The following CUBN variants were observed in gnomAD, a reference collection of about 807,000 sequenced individuals.
CUBN encodes the protein cubilin, also known as 460 kDa receptor.
In CUBN, 282 loss-of-function variants were observed where a neutral mutation model predicts 405.3. The observed-to-expected ratio is 0.70, with a 90% CI of 0.63 to 0.77. The LOEUF is 0.77. Among genes scored for constraint, CUBN ranks in the 30% least tolerant of loss-of-function variants. CUBN has a pLI of 0.00. For missense variants in CUBN, 4,514 were observed against 4,475.2 expected, an observed-to-expected ratio of 1.01 and a Z score of -0.25; for synonymous variants, 1,684 against 1,617.0, an observed-to-expected ratio of 1.04 and a Z score of -0.99.
chr10:16,938,817 A>T (rs772051244), intron 38 of CUBN, 146 bp downstream of exon 38: 26 of 703,748 alleles, frequency 3.7e-5, no homozygotes, highest in Non-Finnish European at 5.7e-5. Flanking sequence ...TGTCCATGTA[A>T]TCTAGAGGCA....
At position 16,925,730 on chromosome 10, in the gene CUBN, G is replaced by A; in HGVS notation, c.6316C>T (p.Pro2106Ser). 1 of 1,613,960 alleles carries A rather than the reference G, an allele frequency of 6.2e-7. No homozygotes were observed. Among genetic ancestry groups the A allele is most frequent in the Non-Finnish European group, 8.5e-7 (1 of 1,179,938 alleles). Residue 2106 changes from proline (P) to serine (S), a missense_variant, in exon 42 of 67, where the codon CCC becomes TCC. Coordinates refer to ENST00000377833, the MANE Select transcript of CUBN (RefSeq NM_001081.4). ...GATGGGTAAGTCTCTGGATACTTGG[G>A]GGACGTGATGATCCCTCTGTCTGCA... is the stretch of plus-strand genomic sequence containing the variant. Reference protein sequence around the residue: ...LHADRGIITSPKYPETYPSNL... With the variant: ...LHADRGIITSSKYPETYPSNL...
chr10:17,032,014 G>C (rs1354278274), intron 27 of CUBN, among the ~76,000 whole-genome samples: 1 of 152,192 alleles, frequency 6.6e-6, no homozygotes, highest in Non-Finnish European at 1.5e-5. Context: ...TCGAGTTAGG[G>C]AACTCGGAAG....
chr10:17,115,583 G>A lies in CUBN; in HGVS notation c.608C>T (p.Pro203Leu). The A allele has an allele frequency of 3.1e-6, 5 of 1,614,212 alleles. No homozygotes were observed. The highest frequency in any genetic ancestry group is 4.2e-6 in the Non-Finnish European group (5 of 1,180,026). The change falls in exon 7 of 67, where the codon CCT (proline) becomes CTT (leucine). Residue 203 changes from proline to leucine, a missense_variant. Pro to Leu is a moderately conservative substitution (Grantham distance 98). This residue lies in a region of CUBN where 1,448 missense variants were observed against 1,388.0 expected (regional missense o/e 1.04). Coordinates refer to ENST00000377833, the MANE Select transcript of CUBN (RefSeq NM_001081.4). Reference protein sequence around the residue: ...TMGSYSCHCPPETYGPQCASK... With the variant: ...TMGSYSCHCPLETYGPQCASK... ...TGCACACTGGGGTCCGTACGTCTCA[G>A]GTGGGCAGTGACAACTGTTGGTTAC...
intron 18 of CUBN, 94 bp from the exon 19 acceptor site, chr10:17,071,698 C>A: frequency 2.0e-6 from 3 of 1,472,266 alleles, no homozygotes; most frequent in Middle Eastern, 1.8e-4. Context: ...AGGAGATAAC[C>A]GAATATAACA....
At chr10:16,870,065 C>T (rs1176681376) in intron 58 of CUBN, among the ~76,000 whole-genome samples, 2 of 152,166 alleles carry the variant, frequency 1.3e-5, no homozygotes, top group Non-Finnish European at 2.9e-5. Flanking sequence ...ACAACAAAAA[C>T]TGTGACAGCA....
In CUBN at chr10:17,024,339, T is replaced by C. The variant is rs557463939; in HGVS notation, c.4018-4356A>G. ...ACCCCACCTGTCCCCTCAGTAGAAA[T>C]CAACTTTATGAACTGCAGGATCTCC... On this transcript the variant is annotated intron_variant, in intron 27 of 66. Transcript: ENST00000377833. 3.3e-5 allele frequency among the ~76,000 whole-genome samples: 5 copies of C among 152,242 alleles called. No homozygotes were observed. The South Asian group carries it at 8.3e-4, about 25-fold the overall frequency.
intron 13 of CUBN, among the ~76,000 whole-genome samples, chr10:17,102,253 C>CATTTATT (rs1836509579): frequency 4.9e-5 from 7 of 144,148 alleles, no homozygotes; most frequent in Non-Finnish European, 1.1e-4. Context: ...GAGGATCCTC[C>CATTTATT]TATTTATTTA....
At chr10:16,952,484 TTTC>T (rs976019721) in intron 32 of CUBN, 95 bp from the exon 33 acceptor site, 3 of 829,294 alleles carry the variant, frequency 3.6e-6, no homozygotes, top group Non-Finnish European at 6.2e-6. Flanking sequence ...ATCAATGATT[TTTC>T]TTCTTATTTC....
Position 16,948,720 on chromosome 10 carries a change from T to C in CUBN, c.5081-114A>G, listed in dbSNP as rs1842849175. 3.0e-6 allele frequency: 4 copies of C among 1,320,996 alleles called. No individual in the cohort carries two copies. In the African/African-American group the frequency reaches 4.3e-5, roughly 14 times the overall value. The allele number at this position is 1,320,996 out of a possible 1,614,324, so 81.8% of individuals were successfully genotyped here. ...AGAGACCAAAACAAAGTGAAGAAATTGCCACTAGGAGAACCACTTCATTCA... is the reference window on the plus strand; with the variant it reads ...AGAGACCAAAACAAAGTGAAGAAATCGCCACTAGGAGAACCACTTCATTCA... On this transcript the variant is annotated intron_variant, in intron 34 of 66. Coordinates refer to ENST00000377833, the MANE Select transcript of CUBN (RefSeq NM_001081.4).
At position 16,990,501 on chromosome 10, in the gene CUBN, G is replaced by A. The variant is rs745743238; in HGVS notation, c.4183C>T (p.Leu1395=). The A allele has an allele frequency of 2.5e-6, 4 of 1,614,188 alleles. No individual in the cohort carries two copies. In the South Asian group the frequency reaches 4.4e-5, roughly 18 times the overall value. ...QWFVYGCGGE[L]SGATGSFSSP... ...CTGAAGGAGCCTGTGGCCCCAGACA[G>A]CTCTCCACCACAACCTGTTAAAACA... Residue 1395 remains leucine, a synonymous_variant, in exon 29 of 67, where the codon CTG becomes TTG. Transcript: ENST00000377833.
chr10:16,856,789 T>C (rs1327023998), intron 59 of CUBN, among the ~76,000 whole-genome samples: 1 of 152,144 alleles, frequency 6.6e-6, no homozygotes, highest in East Asian at 1.9e-4. Context: ...TCAGGCCCTC[T>C]CCTGTTTCCA....
intron 22 of CUBN, among the ~76,000 whole-genome samples, chr10:17,058,921 T>C (rs1487681228): frequency 2.0e-5 from 3 of 152,124 alleles, no homozygotes; most frequent in Non-Finnish European, 4.4e-5. Context: ...TTATCTTGTA[T>C]TGCCAAAGGA....
At chr10:17,084,219 T>C in intron 17 of CUBN, 52 bp downstream of exon 17, 8 of 1,572,160 alleles carry the variant, frequency 5.1e-6, no homozygotes, top group Non-Finnish European at 7.0e-6. Flanking sequence ...CTCTGCAGAA[T>C]ATAAAAATGT....
intron 36 of CUBN, among the ~76,000 whole-genome samples, chr10:16,942,830 G>T (rs1232030929): frequency 1.4e-5 from 2 of 144,924 alleles, no homozygotes; most frequent in East Asian, 4.0e-4. Flanking sequence ...GAAGGGAAAA[G>T]GAAGGGAAGG....
At chr10:16,876,816 G>T in intron 57 of CUBN, 81 bp downstream of exon 57, 2 of 1,179,468 alleles carry the variant, frequency 1.7e-6, no homozygotes, top group Non-Finnish European at 2.5e-6. Flanking sequence ...AGTTAGTGCT[G>T]TATGAATCGC....
chr10:16,946,822 A>C (rs910378531), intron 36 of CUBN, among the ~76,000 whole-genome samples: 3 of 152,136 alleles, frequency 2.0e-5, no homozygotes, highest in African/African-American at 7.2e-5. Flanking sequence ...ACAGAAATAG[A>C]AGGAAAGGTG....
intron 31 of CUBN, among the ~76,000 whole-genome samples, chr10:16,972,380 G>C (rs896068728): frequency 6.6e-6 from 1 of 151,738 alleles, no homozygotes; most frequent in Non-Finnish European, 1.5e-5. Context: ...AAACCCAAAA[G>C]TTTACAAGTC....
At chr10:16,909,083 C>A (rs1345955631) in intron 48 of CUBN, among the ~76,000 whole-genome samples, 3 of 151,262 alleles carry the variant, frequency 2.0e-5, no homozygotes, top group Non-Finnish European at 1.5e-5. Context: ...GACGGGGTTT[C>A]ACCTTGTTAG....
intron 35 of CUBN, 84 bp downstream of exon 35, chr10:16,948,394 C>T (rs1352953329): frequency 8.2e-6 from 13 of 1,589,874 alleles, no homozygotes; most frequent in South Asian, 7.8e-5. Flanking sequence ...CTCCCAACTA[C>T]GAAGGTCAGA....
Sources: gnomAD v4.1 joint callset for allele counts (sites outside exome capture counted in the v4.1 genomes callset) on GRCh38, gnomAD v4.1.1 for gene constraint, gnomAD v4.1.1 regional missense constraint, MANE v1.5 for transcripts, NCBI Gene and HGNC (gene_info 2026-07-23, HGNC 2026-07-21) for gene names.